The following ZNF69 variants were observed in gnomAD, a reference collection of about 807,000 sequenced individuals.
ZNF69 encodes the protein zinc finger protein 69.
In ZNF69, 47 loss-of-function variants were observed where a neutral mutation model predicts 50.9. The observed-to-expected ratio is 0.92, with a 90% CI of 0.73 to 1.18. The LOEUF (loss-of-function observed/expected upper bound fraction) is 1.18. ZNF69 is among the 50% of genes most tolerant of loss of function. The pLI, the probability that ZNF69 is intolerant of heterozygous loss-of-function variation, is 0.00. For synonymous variants in ZNF69, 216 were observed against 223.1 expected (o/e 0.97, Z 0.29); for missense variants, 717 against 675.1 (o/e 1.06, Z -0.69).
At chr19:11,916,642 G>A (rs891208701), downstream of ZNF69, among the ~76,000 whole-genome samples, 5 of 152,162 alleles carry the variant, frequency 3.3e-5, no homozygotes, top group African/African-American at 1.2e-4. Flanking sequence ...GGGACCTGGA[G>A]GAAGGAGAGA....
chr19:11,922,795 G>A, the ZNF69 span, among the ~76,000 whole-genome samples: 1 of 151,848 alleles, frequency 6.6e-6, no homozygotes, highest in Non-Finnish European at 1.5e-5. Flanking sequence ...TCCCCGGGGA[G>A]TCTGGTGGGC....
At chr19:11,978,899 A>T in the ZNF69 span, 1 of 1,614,134 alleles carries the variant, frequency 6.2e-7, no homozygotes. Context: ...GTAGTTACAG[A>T]TCCTATCTTA....
the ZNF69 span, chr19:11,947,710 A>AT: frequency 1.1e-6 from 1 of 917,508 alleles, no homozygotes. Flanking sequence ...CTCAAAAAAC[A>AT]TATATTTAAA....
chr19:11,941,130 CCTT>C, the ZNF69 span, among the ~76,000 whole-genome samples: 1 of 152,174 alleles, frequency 6.6e-6, no homozygotes, highest in Non-Finnish European at 1.5e-5. Context: ...TGTTTACAAA[CCTT>C]AAGCTAGATA....
At position 11,891,526 on chromosome 19, in the gene ZNF69, G is replaced by A. The variant is rs374261329; in HGVS notation, c.63+3540G>A. ...TAAAGCAAGTGGAGGAATGTACTAA[G>A]TTTTTCTTAGGTAGGGATCTTGTCT... On this transcript the variant is annotated intron_variant, in intron 1 of 3. Coordinates refer to ENST00000429654, the MANE Select transcript of ZNF69 (RefSeq NM_001364730.1). 7.2e-5 allele frequency among the ~76,000 whole-genome samples: 11 copies of A among 152,148 alleles called. No homozygotes were observed. The East Asian group carries it at 2.1e-3, about 29-fold the overall frequency.
the ZNF69 span, among the ~76,000 whole-genome samples, chr19:11,936,734 T>C: frequency 6.6e-6 from 1 of 152,204 alleles, no homozygotes; most frequent in African/African-American, 2.4e-5. Context: ...TGCCATTGCT[T>C]TTGGTGTTTT....
At chr19:11,929,953 A>T in the ZNF69 span, among the ~76,000 whole-genome samples, 1 of 148,098 alleles carries the variant, frequency 6.8e-6, no homozygotes, top group East Asian at 1.9e-4. Context: ...TTGCAGGGTG[A>T]TATGTCTTCA....
chr19:11,978,992 T>C, the ZNF69 span: 1 of 1,614,030 alleles, frequency 6.2e-7, no homozygotes, highest in Non-Finnish European at 8.5e-7. Context: ...GTTCCCTTCG[T>C]AGACATGAAA....
the ZNF69 span, chr19:11,977,081 A>G: frequency 6.2e-7 from 1 of 1,614,128 alleles, no homozygotes; most frequent in South Asian, 1.1e-5. Flanking sequence ...TTCACCCAGG[A>G]GGAGTGGGCT....
the ZNF69 span, chr19:11,948,229 A>C: frequency 1.3e-6 from 2 of 1,578,942 alleles, no homozygotes; most frequent in Non-Finnish European, 1.7e-6. Context: ...TTAATATAGA[A>C]GTACTTGTAA....
chr19:11,900,126 G>A (rs557307538), intron 1 of ZNF69, among the ~76,000 whole-genome samples: 45 of 152,062 alleles, frequency 3.0e-4, no homozygotes, highest in Middle Eastern at 3.4e-3. Context: ...GCTGCTGTTC[G>A]TATTATTAGT....
At chr19:11,932,536 C>T in the ZNF69 span, among the ~76,000 whole-genome samples, 15 of 147,818 alleles carry the variant, frequency 1.0e-4, no homozygotes, top group East Asian at 1.9e-3. Context: ...GTACTGTGAA[C>T]GATAACTGCC....
Position 11,904,786 on chromosome 19 carries a change from T to C in ZNF69, c.389T>C (p.Val130Ala), listed in dbSNP as rs115150439. The C allele has an allele frequency of 1.0e-3, 1,691 of 1,613,962 alleles. 22 individuals carry two copies. The African/African-American group carries it at 0.021, about 20-fold the overall frequency. ...GAAATAAAATCATGTGACAGCTTTG[T>C]GTGTGGAGAAGTTGGCCTAGGTAAC... ...SPEIKSCDSF[V>A]CGEVGLGNSS... is the part of the protein sequence containing the mutation. The change falls in exon 4 of 4, where the codon GTG becomes GCG. Residue 130 changes from valine (V) to alanine (A), a missense_variant. Physicochemically the swap from Val to Ala is moderately conservative, Grantham distance 64. Coordinates refer to ENST00000429654, the MANE Select transcript of ZNF69 (RefSeq NM_001364730.1).
chr19:11,962,297 T>C, the ZNF69 span, among the ~76,000 whole-genome samples: 1 of 152,106 alleles, frequency 6.6e-6, no homozygotes, highest in East Asian at 1.9e-4. Flanking sequence ...CCCACTCTCA[T>C]AGTGAGAGAA....
At chr19:11,958,952 G>A in the ZNF69 span, among the ~76,000 whole-genome samples, 3 of 152,040 alleles carry the variant, frequency 2.0e-5, no homozygotes, top group Non-Finnish European at 4.4e-5. Flanking sequence ...GCGTGATCTC[G>A]GCTCACTGCA....
rs765735877 is a variant in ZNF69, at chr19:11,906,454, C to T, written c.*356C>T. Among the ~76,000 whole-genome samples, 4 of 152,120 alleles carry T rather than the reference C, an allele frequency of 2.6e-5. No individual in the cohort carries two copies. The highest frequency in any genetic ancestry group is 2.1e-4 in the South Asian group (1 of 4,826). ...GGGGCCAACTGACACCTCATACGGC[C>T]GTGTGCCCCTCTGTGACGAAGCTTC... On this transcript the variant is annotated 3_prime_UTR_variant, in exon 4 of 4. Transcript: ENST00000429654.
chr19:11,931,131 G>C, the ZNF69 span, among the ~76,000 whole-genome samples: 2 of 148,118 alleles, frequency 1.4e-5, 1 homozygote, highest in African/African-American at 5.3e-5. Context: ...TGTGTAGTAG[G>C]GATAGTGCCT....
the ZNF69 span, among the ~76,000 whole-genome samples, chr19:11,940,792 G>A: frequency 6.9e-4 from 105 of 152,198 alleles, no homozygotes; most frequent in Non-Finnish European, 4.3e-4. Flanking sequence ...TGATTGGTGC[G>A]TTTACAATCC....
At chr19:11,944,412 C>A in the ZNF69 span, among the ~76,000 whole-genome samples, 1 of 152,188 alleles carries the variant, frequency 6.6e-6, no homozygotes, top group East Asian at 1.9e-4. Flanking sequence ...TTCATCCACT[C>A]CACCTTTCCG....
Sources: allele counts gnomAD v4.1 joint callset (sites outside exome capture counted in the v4.1 genomes callset), GRCh38; gene constraint gnomAD v4.1.1; transcripts MANE v1.5; gene names NCBI Gene and HGNC (gene_info 2026-07-23, HGNC 2026-07-21).